Variants in RAB38 observed in about 807,000 individuals in gnomAD.
The protein encoded by RAB38 is RAB38, member RAS oncogene family.
Under a neutral mutation model 18.4 loss-of-function variants are expected in RAB38, and 15 were observed. The ratio of observed to expected loss-of-function variants is 0.82; its 90% confidence interval spans 0.55 to 1.26. The LOEUF is 1.26. Among genes scored for constraint, RAB38 ranks in the 50% most tolerant of loss-of-function variants. The pLI is 0.00. For missense variants in RAB38, 294 were observed against 267.4 expected (o/e 1.10, Z -0.69); for synonymous variants, 101 against 104.4 (o/e 0.97, Z 0.20).
chr11:87,804,950 A>T, the RAB38 span, among the ~76,000 whole-genome samples: 5 of 152,328 alleles, frequency 3.3e-5, no homozygotes, highest in East Asian at 5.8e-4. Context: ...ATTCAAAAAA[A>T]GTCGTTTGTC....
At chr11:87,805,369 A>G in the RAB38 span, among the ~76,000 whole-genome samples, 1 of 151,420 alleles carries the variant, frequency 6.6e-6, no homozygotes, top group African/African-American at 2.4e-5. Context: ...TCTCTTTATC[A>G]TTTTCATGTT....
the RAB38 span, among the ~76,000 whole-genome samples, chr11:88,056,470 G>A: frequency 0.041 from 6,191 of 152,190 alleles, 160 homozygotes; most frequent in African/African-American, 0.075. Flanking sequence ...GTTCTAAATG[G>A]TGGGGAGTTT....
the RAB38 span, among the ~76,000 whole-genome samples, chr11:87,844,110 C>T: frequency 1.5e-4 from 23 of 152,134 alleles, no homozygotes; most frequent in Non-Finnish European, 2.6e-4. Context: ...ACAGCTACTC[C>T]TTTGCGTTTT....
chr11:87,937,928 A>G, the RAB38 span, among the ~76,000 whole-genome samples: 1 of 146,840 alleles, frequency 6.8e-6, no homozygotes, highest in Non-Finnish European at 1.5e-5. Flanking sequence ...GGTAATTCTA[A>G]CATTTCTGGA....
chr11:87,948,210 G>T, the RAB38 span, among the ~76,000 whole-genome samples: 1 of 152,150 alleles, frequency 6.6e-6, no homozygotes, highest in African/African-American at 2.4e-5. Context: ...TGTTATTGGT[G>T]TATAAGAATC....
the RAB38 span, among the ~76,000 whole-genome samples, chr11:87,908,029 T>G: frequency 6.6e-6 from 1 of 151,936 alleles, no homozygotes; most frequent in Non-Finnish European, 1.5e-5. Context: ...ACTGATAATA[T>G]TTTTTCTTCT....
chr11:87,837,201 C>T, the RAB38 span, among the ~76,000 whole-genome samples: 3 of 152,156 alleles, frequency 2.0e-5, no homozygotes, highest in Admixed American at 2.0e-4. Context: ...GAACTCAAAA[C>T]TGAGTTTGGA....
the RAB38 span, among the ~76,000 whole-genome samples, chr11:87,971,831 CAAT>C: frequency 6.6e-6 from 1 of 151,986 alleles, no homozygotes; most frequent in African/African-American, 2.4e-5. Context: ...TACTCTAAAA[CAAT>C]AATGTTGTTT....
the RAB38 span, among the ~76,000 whole-genome samples, chr11:87,954,495 CAA>C: frequency 6.6e-6 from 1 of 151,690 alleles, no homozygotes; most frequent in Admixed American, 6.6e-5. Flanking sequence ...TCTACATATT[CAA>C]GTCTCAATAC....
chr11:88,167,189 T>C (rs1943255517), intron 1 of RAB38: 2 of 152,122 alleles, frequency 1.3e-5, no homozygotes, highest in Non-Finnish European at 2.9e-5. Context: ...GAGTTATCTA[T>C]GTTAACAAGA....
downstream of RAB38, among the ~76,000 whole-genome samples, chr11:88,112,768 G>A (rs760458988): frequency 3.4e-5 from 5 of 146,452 alleles, no homozygotes; most frequent in South Asian, 6.5e-4. Context: ...GCAAGACTCC[G>A]TCTCAACAAC....
chr11:87,960,186 A>G, the RAB38 span, among the ~76,000 whole-genome samples: 1 of 152,144 alleles, frequency 6.6e-6, no homozygotes, highest in Non-Finnish European at 1.5e-5. Context: ...AGCAAGCATC[A>G]GAACCACCTG....
the RAB38 span, among the ~76,000 whole-genome samples, chr11:88,029,915 A>G: frequency 4.6e-5 from 7 of 152,258 alleles, no homozygotes. Context: ...CCCCAAATCA[A>G]CAGAATATAC....
At chr11:87,947,317 A>T in the RAB38 span, among the ~76,000 whole-genome samples, 1 of 151,538 alleles carries the variant, frequency 6.6e-6, no homozygotes, top group Non-Finnish European at 1.5e-5. Flanking sequence ...GGTTGCAAAA[A>T]TTTTCTCCCA....
chr11:88,105,633 T>C, the RAB38 span, among the ~76,000 whole-genome samples: 89 of 152,294 alleles, frequency 5.8e-4, no homozygotes, highest in Admixed American at 5.8e-3. Context: ...AGCTGTCACA[T>C]GGGGTGAGAA....
the RAB38 span, among the ~76,000 whole-genome samples, chr11:88,068,501 C>G: frequency 6.6e-6 from 1 of 152,038 alleles, no homozygotes; most frequent in Non-Finnish European, 1.5e-5. Context: ...ATTTCTGACC[C>G]CTATGAGAAG....
In RAB38 at chr11:88,160,628, C is replaced by T. The variant is rs188499347; in HGVS notation, c.203-10673G>A. ...TGTTAAAGACAACATAGTACATATTCATCATGGAATATTACACAGCCAAAA... is the reference window on the plus strand; with the variant it reads ...TGTTAAAGACAACATAGTACATATTTATCATGGAATATTACACAGCCAAAA... On this transcript the variant is annotated intron_variant, in intron 1 of 2. Coordinates refer to ENST00000243662, the MANE Select transcript of RAB38 (RefSeq NM_022337.3). Among the ~76,000 whole-genome samples, 32 of 152,248 alleles carry T rather than the reference C, an allele frequency of 2.1e-4. No homozygotes were observed. In the East Asian group the frequency reaches 4.6e-3, roughly 22 times the overall value.
chr11:87,839,549 C>T, the RAB38 span, among the ~76,000 whole-genome samples: 1 of 152,134 alleles, frequency 6.6e-6, no homozygotes, highest in Non-Finnish European at 1.5e-5. Flanking sequence ...GTACCAAGAC[C>T]AACTTGGGTA....
the RAB38 span, among the ~76,000 whole-genome samples, chr11:87,869,819 G>C: frequency 6.6e-6 from 1 of 151,630 alleles, no homozygotes; most frequent in Non-Finnish European, 1.5e-5. Context: ...ACAAATGAAG[G>C]AGATGAGCAG....
Sources: allele counts gnomAD v4.1 joint callset (sites outside exome capture counted in the v4.1 genomes callset), GRCh38; gene constraint gnomAD v4.1.1; transcripts MANE v1.5; gene names NCBI Gene and HGNC (gene_info 2026-07-23, HGNC 2026-07-21).